The following SAXO1 variants were observed in gnomAD, a reference collection of about 807,000 sequenced individuals.
The protein encoded by SAXO1 is stabilizer of axonemal microtubules 1, also known as 4930500O09Rik.
In SAXO1, 21 loss-of-function variants were observed where a neutral mutation model predicts 17.5. That is an observed-to-expected ratio of 1.20 (90% CI 0.85 to 1.72). SAXO1 has a LOEUF of 1.72. SAXO1 is among the 40% of genes most tolerant of loss of function. The probability of loss-of-function intolerance (pLI) is 0.00; values close to 1 mark genes in which losing one functional copy is unlikely to be tolerated. For synonymous variants in SAXO1, 274 were observed against 216.5 expected (o/e 1.27, Z -2.33); for missense variants, 843 against 596.0 (o/e 1.41, Z -4.32).
intron 1 of SAXO1, chr9:19,027,638 C>A (rs541133151): frequency 7.8e-5 from 110 of 1,414,602 alleles, no homozygotes; most frequent in Non-Finnish European, 1.0e-4. Context: ...CAAGCTAGTC[C>A]GGGATGCCTT....
At chr9:18,960,946 T>A (rs1378494322) in intron 1 of SAXO1, among the ~76,000 whole-genome samples, 9 of 152,008 alleles carry the variant, frequency 5.9e-5, no homozygotes, top group Admixed American at 3.9e-4. Flanking sequence ...CATGCAGAAA[T>A]GTTCTGGAGT....
intron 1 of SAXO1, chr9:19,027,405 T>G (rs1481235100): frequency 2.6e-6 from 2 of 759,438 alleles, no homozygotes; most frequent in Non-Finnish European, 4.9e-6. Flanking sequence ...ACAGTGACAC[T>G]GGGGGCTTGG....
chr9:19,021,753 C>G (rs1020854989), intron 1 of SAXO1, among the ~76,000 whole-genome samples: 10 of 152,210 alleles, frequency 6.6e-5, no homozygotes, highest in Admixed American at 2.0e-4. Context: ...ATTGCAAATG[C>G]ACCAATCAGC....
chr9:18,975,286 G>A (rs1833101785), intron 1 of SAXO1, among the ~76,000 whole-genome samples: 1 of 151,902 alleles, frequency 6.6e-6, no homozygotes, highest in South Asian at 2.1e-4. Context: ...TTCTGGACAG[G>A]CAGACAGAAA....
intron 3 of SAXO1, among the ~76,000 whole-genome samples, chr9:18,938,872 C>T (rs1483892835): frequency 2.0e-5 from 2 of 98,246 alleles, no homozygotes; most frequent in African/African-American, 7.8e-5. Flanking sequence ...GTGTGTTGAG[C>T]GGTAAGTAGT....
At chr9:19,020,787 A>G (rs1180027032) in intron 1 of SAXO1, among the ~76,000 whole-genome samples, 2 of 152,086 alleles carry the variant, frequency 1.3e-5, no homozygotes, top group African/African-American at 2.4e-5. Context: ...AATGTTGAAC[A>G]TGACAAAGCT....
intron 1 of SAXO1, chr9:19,027,744 G>C (rs561303632): frequency 1.4e-6 from 2 of 1,471,406 alleles, no homozygotes; most frequent in Admixed American, 3.9e-5. Flanking sequence ...TCCGGGGACC[G>C]AGAGGTGCAG....
chr9:18,928,270 C>G lies in SAXO1; in HGVS notation c.1207G>C (p.Glu403Gln), dbSNP rs1384266638. The G allele has an allele frequency of 6.2e-7, 1 of 1,612,856 alleles. No individual in the cohort carries two copies. Residue 403 changes from glutamate to glutamine, a missense_variant, in exon 4 of 4, where the codon GAA becomes CAA. Physicochemically the swap from Glu to Gln is conservative, Grantham distance 29. Coordinates refer to ENST00000380534, the MANE Select transcript of SAXO1 (RefSeq NM_153707.4). Reference sequence around the variant, plus strand: ...CTGATGGTGTAGGTGGTCTGGCTTTCCACAGGGACATTTCCTCGAGGGCCA... The same window carrying G: ...CTGATGGTGTAGGTGGTCTGGCTTTGCACAGGGACATTTCCTCGAGGGCCA... Reference protein sequence around the residue: ...WSGPRGNVPVESQTTYTISFT... With the variant: ...WSGPRGNVPVQSQTTYTISFT...
In SAXO1 at chr9:19,032,969, G is replaced by C; in HGVS notation, c.-61C>G. The C allele has an allele frequency of 2.6e-6, 4 of 1,553,626 alleles. No individual in the cohort carries two copies. Among genetic ancestry groups the C allele is most frequent in the Non-Finnish European group, 3.5e-6 (4 of 1,148,398 alleles). ...CATCGCCAGCTGCAGCCGACTCCTA[G>C]ACCCCAACCACCTGTCTTGGGGCAC... On this transcript the variant is annotated 5_prime_UTR_variant, in exon 1 of 4. Coordinates refer to ENST00000380534, the MANE Select transcript of SAXO1 (RefSeq NM_153707.4).
At chr9:18,989,627 T>C (rs990930922) in intron 1 of SAXO1, among the ~76,000 whole-genome samples, 1 of 152,062 alleles carries the variant, frequency 6.6e-6, no homozygotes, top group African/African-American at 2.4e-5. Context: ...ACTTTCAGGC[T>C]TTTAAAAAAA....
At chr9:18,939,581 T>C (rs748568628) in intron 3 of SAXO1, among the ~76,000 whole-genome samples, 12 of 152,178 alleles carry the variant, frequency 7.9e-5, no homozygotes, top group Non-Finnish European at 1.2e-4. Context: ...AGAAGGATTC[T>C]ATATAGAAGG....
At chr9:19,009,245 TTA>T (rs1834619556) in intron 1 of SAXO1, among the ~76,000 whole-genome samples, 1 of 98,468 alleles carries the variant, frequency 1.0e-5, no homozygotes, top group South Asian at 3.2e-4. Context: ...TCTGCCAAAT[TTA>T]AAAAAAAAAT....
At position 19,049,294 on chromosome 9, in the gene SAXO1, G is replaced by T. The variant is rs373323498; in HGVS notation, c.-243C>A. 1.6e-3 allele frequency: 321 copies of T among 195,140 alleles called. 1 individual carries two copies. The highest frequency in any genetic ancestry group is 7.2e-3 in the African/African-American group (307 of 42,374). The allele number at this position is 195,140 out of a possible 1,614,324, so 12.1% of individuals were successfully genotyped here. ...TCCATCTTAGGGCTCACGCCGCCCC[G>T]GTTAGGTTTCATTAGAGCAGCGGCT... On this transcript the variant is annotated 5_prime_UTR_variant, in exon 1 of 4. Transcript: ENST00000542071. This position sits in a 1 kb window ranked among gnomAD's most constrained non-coding sequence, Gnocchi z 5.4.
intron 1 of SAXO1, among the ~76,000 whole-genome samples, chr9:19,008,466 G>A (rs1204938292): frequency 6.6e-6 from 1 of 152,098 alleles, no homozygotes; most frequent in Non-Finnish European, 1.5e-5. Context: ...AATCAAAATG[G>A]CAATTTCTGG....
At chr9:18,943,132 G>A (rs776997144) in intron 2 of SAXO1, among the ~76,000 whole-genome samples, 10 of 152,200 alleles carry the variant, frequency 6.6e-5, no homozygotes, top group South Asian at 2.1e-4. Flanking sequence ...AACCCGAACC[G>A]GGTCCTGAAA....
intron 1 of SAXO1, among the ~76,000 whole-genome samples, chr9:18,969,946 G>T (rs1019366182): frequency 2.6e-5 from 4 of 152,200 alleles, no homozygotes; most frequent in African/African-American, 9.7e-5. Context: ...ACTTCTAAAA[G>T]GATGCTCTTT....
At chr9:18,973,920 A>G (rs6475294) in intron 1 of SAXO1, among the ~76,000 whole-genome samples, 125,339 of 152,198 alleles carry the variant, frequency 0.82, 51,895 homozygotes, top group African/African-American at 0.89. Context: ...GTCATGTACT[A>G]TGTTGGGTAA....
intron 1 of SAXO1, among the ~76,000 whole-genome samples, chr9:19,046,045 G>T (rs1481925563): frequency 7.3e-6 from 1 of 136,210 alleles, no homozygotes; most frequent in African/African-American, 2.9e-5. Context: ...CAGAGATTGC[G>T]CCGTTGCGCC....
intron 1 of SAXO1, among the ~76,000 whole-genome samples, chr9:18,986,712 G>A (rs1358911983): frequency 6.6e-6 from 1 of 152,164 alleles, no homozygotes; most frequent in East Asian, 1.9e-4. Flanking sequence ...TTCAATAGTA[G>A]GAAGCAAGGG....
Sources: gnomAD v4.1 joint callset for allele counts (sites outside exome capture counted in the v4.1 genomes callset) on GRCh38, gnomAD v4.1.1 for gene constraint, Gnocchi (gnomAD v3.1) non-coding constraint, MANE v1.5 for transcripts, NCBI Gene and HGNC (gene_info 2026-07-23, HGNC 2026-07-21) for gene names.